The following BANK1 variants were observed in gnomAD, a reference collection of about 807,000 sequenced individuals.
The protein encoded by BANK1 is B-cell scaffold protein with ankyrin repeats.
In BANK1, 95 loss-of-function variants were observed where a neutral mutation model predicts 94.5. That is an observed-to-expected ratio of 1.00 (90% CI 0.85 to 1.19). The LOEUF is 1.19. Ranked by LOEUF, BANK1 falls within the 50% of genes most tolerant of loss-of-function variation. The pLI is 0.00. For missense variants in BANK1, 987 were observed against 932.2 expected (o/e 1.06, Z -0.77); for synonymous variants, 334 against 308.4 (o/e 1.08, Z -0.87).
At chr4:101,965,365 A>G (rs543885484) in intron 7 of BANK1, among the ~76,000 whole-genome samples, 2 of 151,908 alleles carry the variant, frequency 1.3e-5, no homozygotes, top group South Asian at 4.2e-4. Context: ...GTGACACAAA[A>G]CTAGTATACA....
At chr4:101,938,341 G>A (rs569167950) in intron 7 of BANK1, among the ~76,000 whole-genome samples, 1 of 151,478 alleles carries the variant, frequency 6.6e-6, no homozygotes, top group South Asian at 2.1e-4. Context: ...TGACTAATGG[G>A]TAAAAAGATA....
chr4:101,998,733 C>G (rs1366461161), intron 7 of BANK1, among the ~76,000 whole-genome samples: 1 of 152,024 alleles, frequency 6.6e-6, no homozygotes, highest in Non-Finnish European at 1.5e-5. Context: ...CTCTCTTTTT[C>G]TACTTTTTAC....
chr4:101,816,647 T>A (rs1006228376), intron 1 of BANK1, among the ~76,000 whole-genome samples: 2 of 152,056 alleles, frequency 1.3e-5, no homozygotes, highest in Admixed American at 6.6e-5. Flanking sequence ...CGGTAAGATT[T>A]GGTGTCACAG....
At chr4:101,911,577 A>G (rs1722667667) in intron 6 of BANK1, among the ~76,000 whole-genome samples, 1 of 152,166 alleles carries the variant, frequency 6.6e-6, no homozygotes, top group Non-Finnish European at 1.5e-5. Flanking sequence ...AAAATTTATT[A>G]TATTAATTAC....
At chr4:101,831,059 G>A (rs1436841918) in intron 2 of BANK1, among the ~76,000 whole-genome samples, 1 of 152,160 alleles carries the variant, frequency 6.6e-6, no homozygotes, top group Non-Finnish European at 1.5e-5. Context: ...GATTCTTACT[G>A]TTGAGTTCTA....
chr4:101,860,856 A>G (rs1186455519), intron 3 of BANK1, among the ~76,000 whole-genome samples: 1 of 152,210 alleles, frequency 6.6e-6, no homozygotes, highest in Non-Finnish European at 1.5e-5. Flanking sequence ...TTAAACAAGG[A>G]ATGATGCACA....
At chr4:101,951,036 G>C (rs1724130955) in intron 7 of BANK1, among the ~76,000 whole-genome samples, 1 of 152,092 alleles carries the variant, frequency 6.6e-6, no homozygotes, top group African/African-American at 2.4e-5. Flanking sequence ...TAGTATCCTG[G>C]ATGGAACCTT....
At chr4:101,940,449 A>G (rs1268506574) in intron 7 of BANK1, among the ~76,000 whole-genome samples, 3 of 151,780 alleles carry the variant, frequency 2.0e-5, no homozygotes, top group Admixed American at 6.6e-5. Context: ...ATACATTACC[A>G]TTAACTAAAT....
chr4:101,928,418 A>C (rs1163867108), intron 7 of BANK1, among the ~76,000 whole-genome samples: 5 of 151,708 alleles, frequency 3.3e-5, no homozygotes, highest in Non-Finnish European at 5.9e-5. Context: ...AGGGAAAAAA[A>C]AATCAGAGCA....
chr4:101,801,415 A>G (rs1339065018), intron 1 of BANK1, among the ~76,000 whole-genome samples: 1 of 152,040 alleles, frequency 6.6e-6, no homozygotes, highest in Non-Finnish European at 1.5e-5. Context: ...TTTCTGTTAG[A>G]TAGCAATGCA....
In BANK1 at chr4:101,907,661, A is replaced by G. The variant is rs547274529; in HGVS notation, c.1010-10332A>G. On this transcript the variant is annotated intron_variant, in intron 6 of 16. Coordinates refer to ENST00000322953, the MANE Select transcript of BANK1 (RefSeq NM_017935.5). Reference sequence around the variant, plus strand: ...GATTGTATATTTAGAAAACCCCATCATCTCAGCCCCAAATCTCCTTAAGCT... The same window carrying G: ...GATTGTATATTTAGAAAACCCCATCGTCTCAGCCCCAAATCTCCTTAAGCT... Among the ~76,000 whole-genome samples, 207 of 151,888 alleles carry G rather than the reference A, an allele frequency of 1.4e-3. 5 individuals are homozygous for G. The highest frequency in any genetic ancestry group is 4.1e-3 in the East Asian group (21 of 5,174).
rs540390807 is a variant in BANK1 at position 102,057,173 on chromosome 4, T to TA, written c.1970-3035dup. On this transcript the variant is annotated intron_variant, in intron 11 of 16. Transcript: ENST00000322953. ...CTTATATACCTACCAAGTCCCAAAT[T>TA]AAATAACAAAAAATAACTTAAGCTT... Among the ~76,000 whole-genome samples, 26 of 152,148 alleles carry TA rather than the reference T, an allele frequency of 1.7e-4. No individual in the cohort carries two copies. In the South Asian group the frequency reaches 5.2e-3, roughly 30 times the overall value.
chr4:101,906,801 C>A (rs1357876428), intron 6 of BANK1, among the ~76,000 whole-genome samples: 1 of 152,134 alleles, frequency 6.6e-6, no homozygotes, highest in Non-Finnish European at 1.5e-5. Context: ...TCTGTTCCAA[C>A]TGTTGCTCTG....
At chr4:101,998,033 C>A (rs1452136929) in intron 7 of BANK1, among the ~76,000 whole-genome samples, 1 of 152,036 alleles carries the variant, frequency 6.6e-6, no homozygotes, top group Non-Finnish European at 1.5e-5. Context: ...AGATCTTTCC[C>A]ACTTTCTCCT....
chr4:102,025,051 C>G (rs555283730), intron 8 of BANK1, 150 bp from the exon 9 acceptor site: 6 of 805,470 alleles, frequency 7.4e-6, no homozygotes, highest in Non-Finnish European at 1.2e-5. Context: ...AATGACTGTT[C>G]ACTAAAAGTT....
At chr4:101,909,281 C>T (rs1722575438) in intron 6 of BANK1, among the ~76,000 whole-genome samples, 1 of 152,108 alleles carries the variant, frequency 6.6e-6, no homozygotes, top group African/African-American at 2.4e-5. Flanking sequence ...TCTCAGCAAA[C>T]TATCACAAGG....
In BANK1 at chr4:102,071,208, TAA is replaced by T. The variant is rs1015953756; in HGVS notation, c.2213-66_2213-65del. On this transcript the variant is annotated intron_variant, in intron 13 of 16. Transcript: ENST00000322953. ...AGAAGTAGTCCAACAATTAAAAAAATAAGAGAGAGAATTTAAGATAAATATTG... is the reference window on the plus strand; with the variant it reads ...AGAAGTAGTCCAACAATTAAAAAAATGAGAGAGAATTTAAGATAAATATTG... The T allele has an allele frequency of 8.7e-5, 132 of 1,522,808 alleles. No homozygotes were observed. In the African/African-American group the frequency reaches 1.6e-3, roughly 18 times the overall value. 94.3% of individuals were successfully genotyped at this position (1,522,808 alleles called of 1,614,324 possible).
intron 6 of BANK1, among the ~76,000 whole-genome samples, chr4:101,910,748 C>T (rs1211871137): frequency 6.7e-6 from 1 of 149,304 alleles, no homozygotes; most frequent in Non-Finnish European, 1.5e-5. Context: ...CTTAGAGTGA[C>T]TGTTCATCTA....
chr4:102,006,675 A>G (rs1376003111), intron 7 of BANK1, among the ~76,000 whole-genome samples: 1 of 151,960 alleles, frequency 6.6e-6, no homozygotes, highest in Non-Finnish European at 1.5e-5. Context: ...AAACAATTAG[A>G]TAGTTCTGGA....
Sources: allele counts gnomAD v4.1 joint callset (sites outside exome capture counted in the v4.1 genomes callset), GRCh38; gene constraint gnomAD v4.1.1; transcripts MANE v1.5; gene names NCBI Gene and HGNC (gene_info 2026-07-23, HGNC 2026-07-21).